The following TMCO5A variants were observed in gnomAD, a reference collection of about 807,000 sequenced individuals.
The protein encoded by TMCO5A is transmembrane and coiled-coil domains 5A, also known as transmembrane and coiled-coil domain-containing protein 5A.
Under a neutral mutation model 42.3 loss-of-function variants are expected in TMCO5A, and 34 were observed. The observed-to-expected ratio is 0.80, with a 90% CI of 0.61 to 1.07. TMCO5A has a LOEUF of 1.07. Ranked by LOEUF, TMCO5A falls within the 50% of genes least tolerant of loss-of-function variation. TMCO5A has a pLI of 0.00. For synonymous variants in TMCO5A, 131 were observed against 115.6 expected, an observed-to-expected ratio of 1.13 and a Z score of -0.86; for missense variants, 357 against 327.9, an observed-to-expected ratio of 1.09 and a Z score of -0.69.
At chr15:38,008,129 T>C in the TMCO5A span, among the ~76,000 whole-genome samples, 1 of 151,818 alleles carries the variant, frequency 6.6e-6, no homozygotes, top group East Asian at 2.0e-4. Context: ...TCTCCTGACC[T>C]CGTGATCTGC....
intron 11 of TMCO5A, among the ~76,000 whole-genome samples, 167 bp downstream of exon 11, chr15:37,947,863 C>T (rs539227755): frequency 1.3e-5 from 2 of 152,174 alleles, no homozygotes; most frequent in African/African-American, 4.8e-5. Flanking sequence ...TTTCTCAATT[C>T]TAATGTTATG....
the TMCO5A span, among the ~76,000 whole-genome samples, chr15:38,032,622 G>A: frequency 2.0e-5 from 3 of 151,980 alleles, no homozygotes; most frequent in African/African-American, 7.3e-5. Flanking sequence ...TCAATGCCTC[G>A]ATGTTCCCAT....
At chr15:37,990,654 G>T in the TMCO5A span, among the ~76,000 whole-genome samples, 2 of 151,650 alleles carry the variant, frequency 1.3e-5, no homozygotes, top group Non-Finnish European at 2.9e-5. Flanking sequence ...ACTGATTTTG[G>T]TCATTTTGCT....
intron 11 of TMCO5A, 103 bp from the exon 12 acceptor site, chr15:37,950,933 T>C (rs1444832826): frequency 3.0e-6 from 3 of 985,610 alleles, no homozygotes; most frequent in East Asian, 2.4e-5. Context: ...GATAATCCAT[T>C]TGAATATCAA....
chr15:37,959,973 A>G (rs999643454), intron 11 of TMCO5A, among the ~76,000 whole-genome samples: 1 of 152,104 alleles, frequency 6.6e-6, no homozygotes, highest in Non-Finnish European at 1.5e-5. Flanking sequence ...GAACAAATTC[A>G]GTAAAGTTGC....
chr15:37,939,094 C>T (rs2140260498), intron 6 of TMCO5A, among the ~76,000 whole-genome samples: 1 of 152,202 alleles, frequency 6.6e-6, no homozygotes, highest in South Asian at 2.1e-4. Flanking sequence ...TGGTGTGCTG[C>T]ACCCATTAAC....
the TMCO5A span, among the ~76,000 whole-genome samples, chr15:38,034,724 G>T: frequency 6.6e-6 from 1 of 152,036 alleles, no homozygotes; most frequent in East Asian, 1.9e-4. Context: ...CCATAAAACT[G>T]TGTTACCAAT....
At chr15:37,988,477 G>C in the TMCO5A span, among the ~76,000 whole-genome samples, 1 of 151,994 alleles carries the variant, frequency 6.6e-6, no homozygotes, top group Admixed American at 6.6e-5. Context: ...GATGTTTGCT[G>C]TGAGTTTTTT....
chr15:37,976,787 TTC>T, the TMCO5A span, among the ~76,000 whole-genome samples: 2 of 141,240 alleles, frequency 1.4e-5, no homozygotes, highest in Non-Finnish European at 3.0e-5. Flanking sequence ...TTTCTTTTTC[TTC>T]TTTCTTTTTT....
At chr15:37,937,253 G>A in intron 4 of TMCO5A, 93 bp from the exon 5 acceptor site, 1 of 1,460,210 alleles carries the variant, frequency 6.8e-7, no homozygotes, top group East Asian at 2.3e-5. Flanking sequence ...GTTACTGCAG[G>A]AAAATATAGC....
At chr15:38,035,570 A>T in the TMCO5A span, among the ~76,000 whole-genome samples, 1 of 152,222 alleles carries the variant, frequency 6.6e-6, no homozygotes, top group African/African-American at 2.4e-5. Flanking sequence ...AAAAGCCAAC[A>T]TAAGAGTGTA....
the TMCO5A span, among the ~76,000 whole-genome samples, chr15:37,979,559 C>T: frequency 2.5e-3 from 387 of 152,252 alleles, 1 homozygote; most frequent in African/African-American, 8.2e-3. Flanking sequence ...AGCACCCAAG[C>T]GGGGATGGGG....
the TMCO5A span, among the ~76,000 whole-genome samples, chr15:38,009,461 A>G: frequency 1.3e-5 from 2 of 152,210 alleles, no homozygotes; most frequent in African/African-American, 4.8e-5. Flanking sequence ...TATATTCTCT[A>G]GGCAACAGTA....
the TMCO5A span, among the ~76,000 whole-genome samples, chr15:37,975,991 C>G: frequency 0.015 from 1 of 66 alleles, no homozygotes. Flanking sequence ...GCCTGTAATC[C>G]CCAGCACTTT....
intron 11 of TMCO5A, among the ~76,000 whole-genome samples, chr15:37,949,195 A>G (rs1040028785): frequency 6.6e-6 from 1 of 152,174 alleles, no homozygotes; most frequent in Non-Finnish European, 1.5e-5. Context: ...AATTATTACA[A>G]AATGTTACAG....
intron 11 of TMCO5A, among the ~76,000 whole-genome samples, chr15:37,966,269 G>T (rs1167767387): frequency 6.6e-6 from 1 of 151,530 alleles, no homozygotes; most frequent in Non-Finnish European, 1.5e-5. Context: ...ATGGCAGGGA[G>T]GTGAGAATGC....
the TMCO5A span, among the ~76,000 whole-genome samples, chr15:38,030,764 CT>C: frequency 6.6e-6 from 1 of 152,214 alleles, no homozygotes; most frequent in Non-Finnish European, 1.5e-5. Flanking sequence ...CTCTTTCTCA[CT>C]TCTTGGCCTA....
chr15:37,951,242 A>T lies in TMCO5A; in HGVS notation c.*8A>T, dbSNP rs937348534. On this transcript the variant is annotated 3_prime_UTR_variant, in exon 12 of 12. Transcript: ENST00000319669. ...GACATGTTACCCCACTGATTCCCTA[A>T]GAAATATCCTTGAGCAATAGAAGGG... 4 of 1,612,814 alleles carry T rather than the reference A, an allele frequency of 2.5e-6. No individual in the cohort carries two copies. Among genetic ancestry groups the T allele is most frequent in the Admixed American group, 1.7e-5 (1 of 59,906 alleles).
At chr15:38,010,007 G>A in the TMCO5A span, among the ~76,000 whole-genome samples, 1 of 152,100 alleles carries the variant, frequency 6.6e-6, no homozygotes, top group African/African-American at 2.4e-5. Context: ...ATGAAGGTAA[G>A]GATCTTGAGA....
Sources: allele counts gnomAD v4.1 joint callset (sites outside exome capture counted in the v4.1 genomes callset), GRCh38; gene constraint gnomAD v4.1.1; transcripts MANE v1.5; gene names NCBI Gene and HGNC (gene_info 2026-07-23, HGNC 2026-07-21).